Variants in DENND1B observed in about 807,000 individuals in gnomAD.
DENND1B encodes DENN domain-containing protein 1B.
DENND1B carries 59 observed loss-of-function variants against 90.1 expected under a neutral mutation model. The observed-to-expected ratio is 0.65, with a 90% CI of 0.53 to 0.81. The LOEUF (loss-of-function observed/expected upper bound fraction) is 0.81, where lower values mean the gene tolerates loss of function less well. Ranked by LOEUF, DENND1B falls within the 40% of genes least tolerant of loss-of-function variation. The pLI is 0.00. For missense variants in DENND1B, 862 were observed against 912.6 expected (o/e 0.94, Z 0.71); for synonymous variants, 337 against 324.6 (o/e 1.04, Z -0.41).
chr1:197,704,311 C>T (rs1659318259), intron 3 of DENND1B, among the ~76,000 whole-genome samples: 1 of 152,090 alleles, frequency 6.6e-6, no homozygotes, highest in African/African-American at 2.4e-5. Context: ...TTCCCTCACA[C>T]TTATACTCTT....
At chr1:197,699,517 C>A (rs1249271272) in intron 3 of DENND1B, among the ~76,000 whole-genome samples, 1 of 152,156 alleles carries the variant, frequency 6.6e-6, no homozygotes, top group African/African-American at 2.4e-5. Context: ...GATGCCCTCT[C>A]TCACTACTCC....
chr1:197,695,463 A>G (rs1658335102), intron 3 of DENND1B, among the ~76,000 whole-genome samples: 1 of 151,056 alleles, frequency 6.6e-6, no homozygotes, highest in African/African-American at 2.4e-5. Flanking sequence ...ATTATCTTAC[A>G]TTTACCCATC....
chr1:197,660,923 G>T (rs922530227), intron 5 of DENND1B, among the ~76,000 whole-genome samples: 3 of 152,042 alleles, frequency 2.0e-5, no homozygotes, highest in Admixed American at 2.0e-4. Context: ...AGAAATCTAA[G>T]ACCATGGAAG....
chr1:197,594,445 G>A (rs747619975), intron 14 of DENND1B, among the ~76,000 whole-genome samples: 8 of 152,140 alleles, frequency 5.3e-5, no homozygotes, highest in Admixed American at 2.0e-4. Flanking sequence ...TCAAGGTTAC[G>A]CAGTTTAGTA....
At chr1:197,590,706 A>G (rs10922263) in intron 14 of DENND1B, among the ~76,000 whole-genome samples, 1,862 of 152,228 alleles carry the variant, frequency 0.012, 16 homozygotes, top group East Asian at 0.054. Context: ...CTGTATAGGG[A>G]TATGCAAATC....
At position 197,725,771 on chromosome 1, in the gene DENND1B, A is replaced by G. The variant is rs12022042; in HGVS notation, c.83-10697T>C. ...AGGGCCTTGAGAGTGATAAAAAGGA[A>G]CCTGCTTACACTCTGGGAAAGGGAG... On this transcript the variant is annotated intron_variant, in intron 2 of 22. Coordinates refer to ENST00000620048, the MANE Select transcript of DENND1B (RefSeq NM_001195215.2). Among the ~76,000 whole-genome samples the G allele has an allele frequency of 1.3e-3, 201 of 152,166 alleles. 1 individual carries two copies. The East Asian group carries it at 0.031, about 24-fold the overall frequency.
rs1296668725 is a variant in DENND1B at position 197,763,956 on chromosome 1, G to A, written c.82+8912C>T. The stretch of plus-strand genomic sequence containing the variant: ...CTGGCACTCAGAAACATTCACTGAA[G>A]GAATGAGAGGGCTGAATACTTTCTA... On this transcript the variant is annotated intron_variant, in intron 2 of 22. Transcript: ENST00000620048. Among the ~76,000 whole-genome samples, 4 of 152,212 alleles carry A rather than the reference G, an allele frequency of 2.6e-5. No individual in the cohort carries two copies. In the East Asian group the frequency reaches 5.8e-4, roughly 22 times the overall value.
At chr1:197,634,664 ATCT>A (rs1024569721) in intron 10 of DENND1B, among the ~76,000 whole-genome samples, 1 of 152,158 alleles carries the variant, frequency 6.6e-6, no homozygotes, top group Non-Finnish European at 1.5e-5. Flanking sequence ...CTAAACACAA[ATCT>A]TCTTTTAAAG....
At chr1:197,671,724 TTTAAC>T (rs1223617061) in intron 5 of DENND1B, among the ~76,000 whole-genome samples, 3 of 151,328 alleles carry the variant, frequency 2.0e-5, no homozygotes, top group Non-Finnish European at 4.4e-5. Flanking sequence ...CATACATTAA[TTTAAC>T]TTATTTTTTT....
intron 6 of DENND1B, among the ~76,000 whole-genome samples, chr1:197,654,558 C>T (rs1425933321): frequency 6.6e-6 from 1 of 151,432 alleles, no homozygotes; most frequent in Non-Finnish European, 1.5e-5. Flanking sequence ...TGCAGCGAGC[C>T]GAGATCGCAC....
chr1:197,595,164 C>T, intron 14 of DENND1B, 44 bp downstream of exon 14: 3 of 1,566,448 alleles, frequency 1.9e-6, no homozygotes, highest in Non-Finnish European at 2.6e-6. Flanking sequence ...TTCCAAAGAA[C>T]CATAAAAAAG....
At chr1:197,516,352 A>G (rs1668398509) in intron 20 of DENND1B, among the ~76,000 whole-genome samples, 1 of 151,856 alleles carries the variant, frequency 6.6e-6, no homozygotes, top group Non-Finnish European at 1.5e-5. Context: ...AAGAAATAAC[A>G]ACGTCCAAAC....
In DENND1B at chr1:197,730,031, C is replaced by T. The variant is rs144717920; in HGVS notation, c.83-14957G>A. 2.8e-3 allele frequency among the ~76,000 whole-genome samples: 425 copies of T among 151,292 alleles called. 5 individuals are homozygous for T. The highest frequency in any genetic ancestry group is 5.0e-3 in the Admixed American group (76 of 15,218). ...GAACTCCTGAAGTACTCCAGGGAAC[C>T]GCCACAGACCCCTAGACTACACTTT... On this transcript the variant is annotated intron_variant, in intron 2 of 22. Transcript: ENST00000620048.
At chr1:197,620,356 T>C (rs1678043698) in intron 10 of DENND1B, among the ~76,000 whole-genome samples, 1 of 151,342 alleles carries the variant, frequency 6.6e-6, no homozygotes. Flanking sequence ...ATTAGGGCTC[T>C]GCCACCAACA....
chr1:197,586,423 T>TTAGAA (rs1674703689), intron 14 of DENND1B, among the ~76,000 whole-genome samples: 4 of 152,202 alleles, frequency 2.6e-5, no homozygotes, highest in African/African-American at 9.6e-5. Context: ...GGTAAGTATT[T>TTAGAA]ATACATATAC....
At position 197,551,121 on chromosome 1, in the gene DENND1B, T is replaced by C. The variant is rs899871092; in HGVS notation, c.1240+1901A>G. Among the ~76,000 whole-genome samples the C allele has an allele frequency of 7.1e-4, 107 of 151,112 alleles. 1 individual carries two copies. The highest frequency in any genetic ancestry group is 1.3e-3 in the Non-Finnish European group (88 of 67,602). ...CACACACACACACACACCCCCTAGATAGATGGATATCTTCTAATTAATAGT... is the reference window on the plus strand; with the variant it reads ...CACACACACACACACACCCCCTAGACAGATGGATATCTTCTAATTAATAGT... On this transcript the variant is annotated intron_variant, in intron 16 of 22. Transcript: ENST00000620048.
At chr1:197,514,687 C>T (rs934501845) in intron 20 of DENND1B, among the ~76,000 whole-genome samples, 9 of 151,282 alleles carry the variant, frequency 5.9e-5, no homozygotes, top group African/African-American at 2.2e-4. Flanking sequence ...CTTCTCCTTC[C>T]TTCTGCATAT....
chr1:197,749,238 T>C (rs1363069449), intron 2 of DENND1B, among the ~76,000 whole-genome samples: 1 of 152,044 alleles, frequency 6.6e-6, no homozygotes, highest in Non-Finnish European at 1.5e-5. Flanking sequence ...TTCAATAAAA[T>C]AATGTTCAAA....
intron 3 of DENND1B, chr1:197,690,057 G>T: frequency 5.9e-6 from 1 of 170,430 alleles, no homozygotes; most frequent in South Asian, 1.5e-4. Context: ...TTTGGGGCTA[G>T]TGGAGACTGC....
Sources: gnomAD v4.1 joint callset for allele counts (sites outside exome capture counted in the v4.1 genomes callset) on GRCh38, gnomAD v4.1.1 for gene constraint, MANE v1.5 for transcripts, NCBI Gene and HGNC (gene_info 2026-07-23, HGNC 2026-07-21) for gene names.